Variants in MNAT1 observed in about 807,000 individuals in gnomAD.
MNAT1 encodes MNAT1 component of CDK activating kinase.
A neutral mutation model predicts 42.0 loss-of-function variants in MNAT1; 43 were observed. The observed-to-expected ratio is 1.02, with a 90% CI of 0.80 to 1.32. The LOEUF is 1.32. Ranked by LOEUF, MNAT1 falls within the 40% of genes most tolerant of loss-of-function variation. The pLI is 0.00. For synonymous variants in MNAT1, 118 were observed against 120.0 expected (o/e 0.98, Z 0.11); for missense variants, 306 against 350.4 (o/e 0.87, Z 1.01).
At chr14:60,738,620 C>A (rs1024234555) in intron 1 of MNAT1, among the ~76,000 whole-genome samples, 6 of 152,012 alleles carry the variant, frequency 3.9e-5, no homozygotes, top group Admixed American at 1.3e-4. Context: ...ACCACAACCT[C>A]TGCCTCCCGG....
intron 7 of MNAT1, among the ~76,000 whole-genome samples, chr14:60,902,617 C>T (rs1438500105): frequency 6.6e-6 from 1 of 152,090 alleles, no homozygotes; most frequent in Non-Finnish European, 1.5e-5. Context: ...TAATAAGATA[C>T]ATCCATCCCC....
chr14:60,751,463 C>G (rs557083470), intron 1 of MNAT1, among the ~76,000 whole-genome samples: 1 of 151,950 alleles, frequency 6.6e-6, no homozygotes, highest in African/African-American at 2.4e-5. Context: ...TTTGCCACAT[C>G]TTTATTTTTT....
chr14:60,828,641 C>T (rs1322801179), intron 6 of MNAT1, among the ~76,000 whole-genome samples: 7 of 152,126 alleles, frequency 4.6e-5, no homozygotes, highest in Non-Finnish European at 7.4e-5. Context: ...TGACACTAAC[C>T]GGAATTAGTG....
chr14:60,813,546 G>A (rs546752638), intron 5 of MNAT1, among the ~76,000 whole-genome samples: 1 of 152,328 alleles, frequency 6.6e-6, no homozygotes, highest in East Asian at 1.9e-4. Context: ...AACTGGCACA[G>A]CACTGATTCC....
chr14:60,773,950 A>AT (rs2031158429), intron 1 of MNAT1, among the ~76,000 whole-genome samples: 2 of 152,226 alleles, frequency 1.3e-5, no homozygotes, highest in African/African-American at 4.8e-5. Context: ...TAGTTTCCAG[A>AT]TTTCTAGTCC....
chr14:60,759,680 A>G (rs764871822), intron 1 of MNAT1, among the ~76,000 whole-genome samples: 3 of 152,216 alleles, frequency 2.0e-5, no homozygotes, highest in Admixed American at 6.5e-5. Flanking sequence ...TTGTTGTTTA[A>G]AAAGTAACTT....
intron 1 of MNAT1, among the ~76,000 whole-genome samples, chr14:60,746,593 A>G (rs1179372459): frequency 6.6e-6 from 1 of 151,052 alleles, no homozygotes; most frequent in Non-Finnish European, 1.5e-5. Context: ...AACTATTCGT[A>G]TTAGCTGTAA....
intron 1 of MNAT1, among the ~76,000 whole-genome samples, chr14:60,784,643 T>G (rs1387306188): frequency 6.6e-6 from 1 of 151,686 alleles, no homozygotes; most frequent in East Asian, 2.0e-4. Flanking sequence ...TGGCTAATTT[T>G]TAGTAGAGAT....
At chr14:60,857,055 C>T (rs1340414902) in intron 6 of MNAT1, among the ~76,000 whole-genome samples, 1 of 152,174 alleles carries the variant, frequency 6.6e-6, no homozygotes, top group African/African-American at 2.4e-5. Context: ...AAAATGGGCG[C>T]AACCAAGTCT....
intron 6 of MNAT1, among the ~76,000 whole-genome samples, chr14:60,867,661 T>C (rs1303422361): frequency 6.6e-6 from 1 of 152,138 alleles, no homozygotes; most frequent in African/African-American, 2.4e-5. Context: ...CAGTGGCTTA[T>C]TTCCACTTAG....
At chr14:60,746,550 G>A (rs1413388207) in intron 1 of MNAT1, among the ~76,000 whole-genome samples, 2 of 150,738 alleles carry the variant, frequency 1.3e-5, no homozygotes, top group African/African-American at 4.9e-5. Context: ...AGTGTAGTCT[G>A]TAGTCTTTTC....
intron 1 of MNAT1, among the ~76,000 whole-genome samples, chr14:60,794,660 A>AATATATATATAT (rs67332094): frequency 3.0e-3 from 85 of 28,630 alleles, no homozygotes; most frequent in Non-Finnish European, 4.4e-3. Context: ...AAAAAAAAAA[A>AATATATATATAT]ATATATATAT....
intron 1 of MNAT1, among the ~76,000 whole-genome samples, chr14:60,788,425 T>G (rs116198030): frequency 1.2e-3 from 178 of 152,296 alleles, no homozygotes; most frequent in African/African-American, 4.2e-3. Flanking sequence ...TTTTTCAAAA[T>G]GACAAATGAA....
intron 7 of MNAT1, 108 bp downstream of exon 7, chr14:60,879,943 GTTT>G (rs2034516188): frequency 7.7e-7 from 1 of 1,301,054 alleles, no homozygotes. Context: ...GAACTTTACT[GTTT>G]TGTGAAAAAT....
intron 6 of MNAT1, among the ~76,000 whole-genome samples, chr14:60,869,023 C>CATATATATATATATATATATATATAT (rs1169429243): frequency 1.1e-4 from 11 of 101,762 alleles, no homozygotes; most frequent in Non-Finnish European, 1.9e-4. Context: ...TTATTTTATA[C>CATATATATATATATATATATATATAT]ATATATATAT....
chr14:60,888,277 T>C (rs1028577498), intron 7 of MNAT1, among the ~76,000 whole-genome samples: 8 of 151,668 alleles, frequency 5.3e-5, no homozygotes, highest in Admixed American at 2.0e-4. Flanking sequence ...ATCCCTGGGA[T>C]GCAAGGCTGG....
At chr14:60,849,016 T>A (rs2033752302) in intron 6 of MNAT1, among the ~76,000 whole-genome samples, 1 of 152,148 alleles carries the variant, frequency 6.6e-6, no homozygotes, top group African/African-American at 2.4e-5. Flanking sequence ...GAAGTGTTAC[T>A]GTGAGCAATA....
chr14:60,879,830 A>C lies in MNAT1; in HGVS notation c.804A>C (p.Arg268Ser). Reference sequence around the variant, plus strand: ...TTCCTGAGCTTGAGATGCTAGGAAGACTTGGGTATGTGTCCTAAAGAACTT... The same window carrying C: ...TTCCTGAGCTTGAGATGCTAGGAAGCCTTGGGTATGTGTCCTAAAGAACTT... ...PHVPELEMLG[R>S]LGYLNHVRAA... Residue 268 changes from arginine to serine, a missense_variant, in exon 7 of 8, where the codon AGA becomes AGC. Arg to Ser is a moderately radical substitution (Grantham distance 110). Coordinates refer to ENST00000261245, the MANE Select transcript of MNAT1 (RefSeq NM_002431.4). 6.2e-7 allele frequency: 1 copy of C among 1,612,552 alleles called. No individual in the cohort carries two copies. The highest frequency in any genetic ancestry group is 8.5e-7 in the Non-Finnish European group (1 of 1,179,178).
chr14:60,808,248 T>A (rs1476126480), intron 3 of MNAT1, 77 bp from the exon 4 acceptor site: 4 of 810,220 alleles, frequency 4.9e-6, no homozygotes, highest in African/African-American at 1.8e-5. Context: ...TGAGTCACTG[T>A]GGTATTTGTT....
Sources: allele counts gnomAD v4.1 joint callset (sites outside exome capture counted in the v4.1 genomes callset), GRCh38; gene constraint gnomAD v4.1.1; transcripts MANE v1.5; gene names NCBI Gene and HGNC (gene_info 2026-07-23, HGNC 2026-07-21).